Variants in PARD3 observed in about 807,000 individuals in gnomAD.
The protein encoded by PARD3 is par-3 family cell polarity regulator.
PARD3 carries 75 observed loss-of-function variants against 155.4 expected under a neutral mutation model. The observed-to-expected ratio is 0.48, with a 90% confidence interval of 0.40 to 0.58. The LOEUF (loss-of-function observed/expected upper bound fraction) is 0.58, where lower values mean the gene tolerates loss of function less well. Among genes scored for constraint, PARD3 ranks in the 20% least tolerant of loss-of-function variants. PARD3 has a pLI of 0.00. For missense variants in PARD3, 1,642 were observed against 1,721.7 expected (o/e 0.95, Z 0.82); for synonymous variants, 576 against 610.5 (o/e 0.94, Z 0.83).
chr10:34,738,958 T>G (rs549933234), intron 1 of PARD3, among the ~76,000 whole-genome samples: 2 of 152,230 alleles, frequency 1.3e-5, no homozygotes, highest in South Asian at 4.1e-4. Flanking sequence ...GTTCAGTAAA[T>G]GGTAATGATT....
intron 22 of PARD3, among the ~76,000 whole-genome samples, chr10:34,258,858 C>T (rs942301035): frequency 2.0e-5 from 3 of 152,024 alleles, no homozygotes; most frequent in Non-Finnish European, 4.4e-5. Flanking sequence ...GAGTTCAAGG[C>T]AGTATAGCAA....
chr10:34,502,466 A>G (rs2080781475), intron 3 of PARD3, among the ~76,000 whole-genome samples: 1 of 152,178 alleles, frequency 6.6e-6, no homozygotes, highest in South Asian at 2.1e-4. Context: ...CAGCCCAGTG[A>G]GATCCACACC....
intron 2 of PARD3, among the ~76,000 whole-genome samples, chr10:34,615,838 A>G (rs972064614): frequency 6.6e-6 from 1 of 152,218 alleles, no homozygotes; most frequent in African/African-American, 2.4e-5. Context: ...ACATATGAAA[A>G]TATGTTCAAC....
chr10:34,152,429 A>T (rs2132971718), intron 22 of PARD3, among the ~76,000 whole-genome samples: 1 of 152,384 alleles, frequency 6.6e-6, no homozygotes, highest in African/African-American at 2.4e-5. Context: ...TGAATACTGC[A>T]GGCAATTGGA....
rs140094104 is a variant in PARD3 at position 34,226,451 on chromosome 10, G to A, written c.3419+43206C>T. ...GGTAATCCCAGCTATTTGGGAGGCT[G>A]AGGCAAGAGAACTGCTTGAATCCAG... On this transcript the variant is annotated intron_variant, in intron 22 of 24. Coordinates refer to ENST00000374788, the MANE Select transcript of PARD3 (RefSeq NM_001184785.2). Among the ~76,000 whole-genome samples the A allele has an allele frequency of 7.9e-3, 1,200 of 152,350 alleles. 30 individuals carry two copies. The highest frequency in any genetic ancestry group is 0.028 in the African/African-American group (1,148 of 41,572).
At chr10:34,336,335 G>A (rs1380088254) in intron 17 of PARD3, 92 bp from the exon 18 acceptor site, 6 of 853,032 alleles carry the variant, frequency 7.0e-6, no homozygotes, top group Non-Finnish European at 9.7e-6. Context: ...GTTAGGTGAC[G>A]ATCCTCAGCT....
intron 1 of PARD3, among the ~76,000 whole-genome samples, chr10:34,765,649 G>C (rs1837994287): frequency 6.6e-6 from 1 of 150,582 alleles, no homozygotes; most frequent in Admixed American, 6.7e-5. Context: ...CTGCACTCCA[G>C]CCTGGGCAAC....
chr10:34,203,911 GGA>G (rs1328808250), intron 22 of PARD3, among the ~76,000 whole-genome samples: 1 of 152,178 alleles, frequency 6.6e-6, no homozygotes, highest in Non-Finnish European at 1.5e-5. Flanking sequence ...GGGAAGTTTG[GGA>G]GATATCTAAT....
At chr10:34,592,750 G>A (rs1256783409) in intron 2 of PARD3, among the ~76,000 whole-genome samples, 1 of 152,050 alleles carries the variant, frequency 6.6e-6, no homozygotes, top group Non-Finnish European at 1.5e-5. Flanking sequence ...ATTCCAGCCT[G>A]GGCAACAGAG....
intron 22 of PARD3, among the ~76,000 whole-genome samples, chr10:34,253,663 A>G (rs1954463310): frequency 3.3e-5 from 5 of 152,222 alleles, no homozygotes; most frequent in Admixed American, 2.6e-4. Context: ...TTGCTGAAAT[A>G]TCATAGAAAG....
At chr10:34,422,105 C>T (rs969364369) in intron 5 of PARD3, among the ~76,000 whole-genome samples, 2 of 152,132 alleles carry the variant, frequency 1.3e-5, no homozygotes, top group Non-Finnish European at 2.9e-5. Flanking sequence ...ACTCTCACCC[C>T]TAGGAATCTC....
intron 2 of PARD3, among the ~76,000 whole-genome samples, chr10:34,674,001 A>AAAC (rs2093654897): frequency 6.6e-6 from 1 of 151,568 alleles, no homozygotes; most frequent in Non-Finnish European, 1.5e-5. Context: ...AAAAAAACAA[A>AAAC]CAAACAGGAG....
intron 3 of PARD3, among the ~76,000 whole-genome samples, chr10:34,477,488 A>T (rs1366179314): frequency 2.0e-5 from 3 of 152,210 alleles, no homozygotes; most frequent in Non-Finnish European, 2.9e-5. Flanking sequence ...CCTTCATCAC[A>T]AGATCTGAAA....
chr10:34,344,324 C>T (rs1837172204), intron 15 of PARD3: 2 of 952,782 alleles, frequency 2.1e-6, no homozygotes, highest in Non-Finnish European at 2.5e-6. Context: ...ACTCTGTTGC[C>T]CAGGCTGGAG....
At chr10:34,735,655 G>C (rs1180976757) in intron 1 of PARD3, among the ~76,000 whole-genome samples, 4 of 152,092 alleles carry the variant, frequency 2.6e-5, no homozygotes, top group Non-Finnish European at 5.9e-5. Context: ...AGAAAATAAA[G>C]TAGATATATG....
intron 2 of PARD3, among the ~76,000 whole-genome samples, chr10:34,526,448 C>G (rs1176255141): frequency 6.6e-6 from 1 of 152,180 alleles, no homozygotes; most frequent in Admixed American, 6.5e-5. Context: ...CAGTCACGAC[C>G]AGGCAGGAGC....
intron 2 of PARD3, among the ~76,000 whole-genome samples, chr10:34,641,030 C>T (rs2092662665): frequency 1.3e-5 from 2 of 151,924 alleles, no homozygotes. Context: ...GAAGAGTATA[C>T]CTTAGTAGAT....
intron 23 of PARD3, among the ~76,000 whole-genome samples, chr10:34,120,340 A>C (rs897130296): frequency 6.6e-6 from 1 of 151,940 alleles, no homozygotes; most frequent in African/African-American, 2.4e-5. Context: ...AAATGCTGAC[A>C]TAAGACACCA....
chr10:34,142,943 G>A (rs1207956461), intron 22 of PARD3, among the ~76,000 whole-genome samples: 2 of 152,166 alleles, frequency 1.3e-5, no homozygotes, highest in Admixed American at 1.3e-4. Flanking sequence ...TTAGGTGTCT[G>A]ATTAAAGAGC....
Sources: allele counts gnomAD v4.1 joint callset (sites outside exome capture counted in the v4.1 genomes callset), GRCh38; gene constraint gnomAD v4.1.1; transcripts MANE v1.5; gene names NCBI Gene and HGNC (gene_info 2026-07-23, HGNC 2026-07-21).